The following MYO18B variants were observed in gnomAD, a reference collection of about 807,000 sequenced individuals.
The protein encoded by MYO18B is unconventional myosin-XVIIIb.
Under a neutral mutation model 273.0 loss-of-function variants are expected in MYO18B, and 204 were observed. That is an observed-to-expected ratio of 0.75 (90% confidence interval 0.67 to 0.84). The LOEUF (loss-of-function observed/expected upper bound fraction) is 0.84. MYO18B is among the 40% of genes least tolerant of loss of function. The probability of loss-of-function intolerance (pLI) is 0.00; values close to 1 mark genes in which losing one functional copy is unlikely to be tolerated. For synonymous variants in MYO18B, 1,330 were observed against 1,305.7 expected, an observed-to-expected ratio of 1.02 and a Z score of -0.40; for missense variants, 3,212 against 3,287.6, an observed-to-expected ratio of 0.98 and a Z score of 0.56.
At chr22:25,959,844 C>T (rs1204822877) in intron 39 of MYO18B, among the ~76,000 whole-genome samples, 1 of 152,184 alleles carries the variant, frequency 6.6e-6, no homozygotes, top group African/African-American at 2.4e-5. Context: ...AATGCTAAAG[C>T]TCTCACCAGG....
chr22:25,935,122 T>C (rs1197736614), intron 34 of MYO18B, among the ~76,000 whole-genome samples: 3 of 152,166 alleles, frequency 2.0e-5, no homozygotes, highest in Admixed American at 2.0e-4. Flanking sequence ...AGAGTCCAAT[T>C]AACAAGAACC....
rs538216409 is a variant in MYO18B at position 25,843,068 on chromosome 22, T to C, written c.3209-667T>C. Among the ~76,000 whole-genome samples, 10 of 152,284 alleles carry C rather than the reference T, an allele frequency of 6.6e-5. No homozygotes were observed. In the South Asian group the frequency reaches 2.1e-3, roughly 32 times the overall value. On this transcript the variant is annotated intron_variant, in intron 17 of 43. Coordinates refer to ENST00000335473, the MANE Select transcript of MYO18B (RefSeq NM_032608.7). ...GGAGGTATGCTTTATTTAATCCACA[T>C]TTTACAGACGAGGAAACTGATGCTC...
At chr22:25,884,047 T>TC (rs534720002) in intron 25 of MYO18B, among the ~76,000 whole-genome samples, 4 of 152,156 alleles carry the variant, frequency 2.6e-5, no homozygotes, top group Non-Finnish European at 5.9e-5. Context: ...TTCTGGATTT[T>TC]CCCCCCAAGA....
At chr22:25,838,447 GC>G (rs2089972401) in intron 17 of MYO18B, among the ~76,000 whole-genome samples, 2 of 152,182 alleles carry the variant, frequency 1.3e-5, no homozygotes, top group African/African-American at 4.8e-5. Context: ...TGATCCACCC[GC>G]CTCGGCCTCC....
intron 22 of MYO18B, among the ~76,000 whole-genome samples, chr22:25,869,175 G>A (rs1488977625): frequency 6.6e-5 from 10 of 152,086 alleles, no homozygotes; most frequent in East Asian, 3.9e-4. Context: ...GAGGCCGGGC[G>A]TGTTGGCTCA....
At chr22:26,020,894 T>C (rs1601849788) in intron 42 of MYO18B, among the ~76,000 whole-genome samples, 2 of 151,982 alleles carry the variant, frequency 1.3e-5, no homozygotes, top group African/African-American at 4.8e-5. Context: ...TTGGAGACCA[T>C]CCTGACCAAC....
intron 12 of MYO18B, among the ~76,000 whole-genome samples, chr22:25,804,562 A>G (rs1036692425): frequency 3.9e-5 from 6 of 152,304 alleles, no homozygotes; most frequent in Middle Eastern, 3.4e-3. Context: ...GACCCTTCTT[A>G]GTTACATTAG....
chr22:25,971,640 A>G (rs1347531923), intron 39 of MYO18B, among the ~76,000 whole-genome samples: 1 of 152,198 alleles, frequency 6.6e-6, no homozygotes, highest in Non-Finnish European at 1.5e-5. Flanking sequence ...GCCTTCCCAC[A>G]CCAAGATGCC....
Position 25,880,035 on chromosome 22 carries a change from G to A in MYO18B, c.4314+1987G>A, listed in dbSNP as rs1184098994. Reference sequence around the variant, plus strand: ...GGGATTACAATTTGATATGAGGTTTGGTCAGGGACATAGGACCAAATCATA... The same window carrying A: ...GGGATTACAATTTGATATGAGGTTTAGTCAGGGACATAGGACCAAATCATA... On this transcript the variant is annotated intron_variant, in intron 25 of 43. Coordinates refer to ENST00000335473, the MANE Select transcript of MYO18B (RefSeq NM_032608.7). 5.3e-5 allele frequency among the ~76,000 whole-genome samples: 8 copies of A among 152,248 alleles called. No individual in the cohort carries two copies. In the East Asian group the frequency reaches 1.5e-3, roughly 29 times the overall value.
At chr22:25,950,917 A>G (rs1167789162) in intron 37 of MYO18B, among the ~76,000 whole-genome samples, 1 of 152,198 alleles carries the variant, frequency 6.6e-6, no homozygotes, top group Non-Finnish European at 1.5e-5. Context: ...AGGTCCCACA[A>G]TAGGCCTTCT....
At chr22:26,057,663 G>C in the MYO18B span, among the ~76,000 whole-genome samples, 1 of 152,014 alleles carries the variant, frequency 6.6e-6, no homozygotes. Flanking sequence ...TTCTTCACAA[G>C]CTTTTGCAAG....
rs1366958664 is a variant in MYO18B, at chr22:25,759,369, TGCAGGG to T, written c.-109-1614_-109-1609del. ...TAAGAGAGAATGAGTTCATGTCCTT[TGCAGGG>T]ACATGGATGAAGCTGGAAACCATCA... On this transcript the variant is annotated intron_variant, in intron 1 of 43. Transcript: ENST00000335473. 4.7e-3 allele frequency among the ~76,000 whole-genome samples: 714 copies of T among 152,296 alleles called. 6 individuals carry two copies. The highest frequency in any genetic ancestry group is 6.8e-3 in the Middle Eastern group (2 of 294).
At chr22:25,973,036 A>G (rs1569252282) in intron 39 of MYO18B, among the ~76,000 whole-genome samples, 3 of 150,992 alleles carry the variant, frequency 2.0e-5, no homozygotes, top group South Asian at 4.2e-4. Flanking sequence ...CAATTTAGCT[A>G]TGGTTCCTGC....
intron 23 of MYO18B, among the ~76,000 whole-genome samples, 143 bp from the exon 24 acceptor site, chr22:25,876,024 GTGTGTGTGTGTGTGTGTGTGTA>G (rs1488776386): frequency 2.8e-5 from 4 of 143,620 alleles, no homozygotes; most frequent in East Asian, 2.0e-4. Context: ...GTGTGTGTGT[GTGTGTGTGTGTGTGTGTGTGTA>G]TGTGTTTTAA....
chr22:25,755,154 CT>C (rs1280812374), intron 1 of MYO18B, among the ~76,000 whole-genome samples: 1 of 152,106 alleles, frequency 6.6e-6, no homozygotes, highest in Non-Finnish European at 1.5e-5. Flanking sequence ...CCCCCATCCC[CT>C]CTCCCCTTTT....
intron 39 of MYO18B, among the ~76,000 whole-genome samples, chr22:25,959,593 C>T (rs2146672168): frequency 6.6e-6 from 1 of 152,316 alleles, no homozygotes; most frequent in Non-Finnish European, 1.5e-5. Context: ...TTTTAGAATT[C>T]ACATCCTCCC....
chr22:26,011,028 G>A (rs1178104663), intron 42 of MYO18B, among the ~76,000 whole-genome samples: 1 of 151,232 alleles, frequency 6.6e-6, no homozygotes, highest in East Asian at 1.9e-4. Context: ...CCTGGCCAGA[G>A]TAAGAAGGAG....
intron 34 of MYO18B, among the ~76,000 whole-genome samples, chr22:25,928,038 G>A (rs571434100): frequency 1.3e-5 from 2 of 152,244 alleles, no homozygotes; most frequent in Non-Finnish European, 2.9e-5. Context: ...ACACCAGTGC[G>A]TAAAAGGGCA....
chr22:25,773,541 GC>G (rs1168660315), intron 7 of MYO18B, among the ~76,000 whole-genome samples: 1 of 152,150 alleles, frequency 6.6e-6, no homozygotes, highest in Non-Finnish European at 1.5e-5. Context: ...TCGGCTCACT[GC>G]AAGCGCCGCC....
Sources: gnomAD v4.1 joint callset for allele counts (sites outside exome capture counted in the v4.1 genomes callset) on GRCh38, gnomAD v4.1.1 for gene constraint, MANE v1.5 for transcripts, NCBI Gene and HGNC (gene_info 2026-07-23, HGNC 2026-07-21) for gene names.